RPS6KA2: variants seen among roughly 807,000 people sequenced by gnomAD.
RPS6KA2 encodes ribosomal protein S6 kinase A2.
RPS6KA2 carries 42 observed loss-of-function variants against 91.8 expected under a neutral mutation model. That is an observed-to-expected ratio of 0.46 (90% CI 0.36 to 0.59). The LOEUF (loss-of-function observed/expected upper bound fraction) is 0.59. RPS6KA2 is among the 20% of genes least tolerant of loss of function. The probability of loss-of-function intolerance (pLI) is 0.00; values close to 1 mark genes in which losing one functional copy is unlikely to be tolerated. For missense variants in RPS6KA2, 798 were observed against 978.5 expected, an observed-to-expected ratio of 0.82 and a Z score of 2.46; for synonymous variants, 414 against 393.6, an observed-to-expected ratio of 1.05 and a Z score of -0.61.
At chr6:166,695,863 A>G (rs1236760558) in intron 2 of RPS6KA2, among the ~76,000 whole-genome samples, 1 of 151,682 alleles carries the variant, frequency 6.6e-6, no homozygotes, top group Non-Finnish European at 1.5e-5. Context: ...CTGGATTCTC[A>G]TAGGAGCACT....
chr6:166,701,016 G>C lies in RPS6KA2; in HGVS notation c.123+157184C>G. 3 of 1,102,730 alleles carry C rather than the reference G, an allele frequency of 2.7e-6. No homozygotes were observed. The South Asian group carries it at 3.8e-5, about 14-fold the overall frequency. The allele number at this position is 1,102,730 out of a possible 1,614,324, so 68.3% of individuals were successfully genotyped here. On this transcript the variant is annotated intron_variant, in intron 2 of 21. Transcript: ENST00000503859. ...ACTTGTGCATGTGATTCTGGATAGG[G>C]GGTCAGCGCCTGTCTGTTTGTTAAG...
intron 2 of RPS6KA2, among the ~76,000 whole-genome samples, chr6:166,708,226 CATAAT>C (rs758296265): frequency 1.3e-5 from 2 of 152,116 alleles, no homozygotes; most frequent in Non-Finnish European, 2.9e-5. Context: ...CTGTTGGAAA[CATAAT>C]AGGATTGAGC....
At chr6:166,480,475 GATTTTATATATAT>G (rs1392221649) in intron 10 of RPS6KA2, among the ~76,000 whole-genome samples, 1,275 of 60,994 alleles carry the variant, frequency 0.021, 46 homozygotes, top group Non-Finnish European at 0.029. Flanking sequence ...TTAAGATTGT[GATTTTATATATAT>G]ATATATATAT....
In RPS6KA2 at chr6:166,665,654, A is replaced by C. The variant is rs1788294193; in HGVS notation, c.124-126870T>G. On this transcript the variant is annotated intron_variant, in intron 2 of 21. Coordinates refer to the RPS6KA2 transcript ENST00000503859. The surrounding 1 kb of genome is among the most constrained non-coding windows in gnomAD (Gnocchi z 4.5). ...ACCCTCATTAGAACAAGCACCGGAGACATGAAGTTTGCTACTGAAGGTCTC... is the reference window on the plus strand; with the variant it reads ...ACCCTCATTAGAACAAGCACCGGAGCCATGAAGTTTGCTACTGAAGGTCTC... Among the ~76,000 whole-genome samples the C allele has an allele frequency of 6.6e-6, 1 of 152,196 alleles. No individual in the cohort carries two copies. Among genetic ancestry groups the C allele is most frequent in the African/African-American group, 2.4e-5 (1 of 41,434 alleles).
At chr6:166,824,058 ATGTG>A (rs10678731) in intron 2 of RPS6KA2, among the ~76,000 whole-genome samples, 3 of 151,600 alleles carry the variant, frequency 2.0e-5, no homozygotes, top group African/African-American at 7.3e-5. Flanking sequence ...TTGGTTGTGT[ATGTG>A]TGTGTGTGAT....
intron 2 of RPS6KA2, among the ~76,000 whole-genome samples, chr6:166,857,401 G>A (rs548752961): frequency 1.7e-4 from 26 of 152,272 alleles, no homozygotes; most frequent in Middle Eastern, 6.8e-3. Context: ...GTGTGGCTGC[G>A]TAACTACAAT....
chr6:166,531,962 TG>T (rs1783293484), intron 2 of RPS6KA2, among the ~76,000 whole-genome samples: 2 of 151,822 alleles, frequency 1.3e-5, no homozygotes, highest in South Asian at 2.1e-4. Flanking sequence ...TAAACAAAAC[TG>T]GAGTTCCTTT....
chr6:166,497,641 C>T (rs1487911830), intron 8 of RPS6KA2, among the ~76,000 whole-genome samples: 1 of 152,208 alleles, frequency 6.6e-6, no homozygotes, highest in Admixed American at 6.5e-5. Flanking sequence ...GCCGGGGGTT[C>T]TCCAGGCGAC....
At chr6:166,539,102 T>C (rs1205928405) in intron 1 of RPS6KA2, among the ~76,000 whole-genome samples, 1 of 152,124 alleles carries the variant, frequency 6.6e-6, no homozygotes, top group Non-Finnish European at 1.5e-5. Context: ...GTATTTTTAA[T>C]AGAGACGAGA....
At chr6:166,844,147 G>C in intron 2 of RPS6KA2, among the ~76,000 whole-genome samples, 1 of 151,990 alleles carries the variant, frequency 6.6e-6, no homozygotes, top group Admixed American at 6.5e-5. Context: ...CTCAGCAATA[G>C]ACTCAAACAA....
Position 166,648,443 on chromosome 6 carries a change from C to T in RPS6KA2, c.124-109659G>A, listed in dbSNP as rs1787743063. The stretch of plus-strand genomic sequence containing the variant: ...AACTGCTGCACAATCTGCCTTTGTA[C>T]CTGAGACTGGGCAAGAATTACTTGA... On this transcript the variant is annotated intron_variant, in intron 2 of 21. Coordinates refer to the RPS6KA2 transcript ENST00000503859. This position sits in a 1 kb window ranked among gnomAD's most constrained non-coding sequence, Gnocchi z 4.8. Among the ~76,000 whole-genome samples the T allele has an allele frequency of 6.6e-6, 1 of 152,206 alleles. No individual in the cohort carries two copies. The highest frequency in any genetic ancestry group is 1.5e-5 in the Non-Finnish European group (1 of 68,036).
chr6:166,679,767 C>T (rs117350158), intron 2 of RPS6KA2, among the ~76,000 whole-genome samples: 6,550 of 152,246 alleles, frequency 0.043, 167 homozygotes, highest in Non-Finnish European at 0.061. Context: ...GAGGGAGCGG[C>T]GCGGGCGGGA....
chr6:166,461,856 C>A (rs79136535), intron 11 of RPS6KA2, among the ~76,000 whole-genome samples: 6,366 of 148,652 alleles, frequency 0.043, 457 homozygotes, highest in African/African-American at 0.16. Context: ...CTTGCCCACC[C>A]CTGCCCCTGC....
chr6:166,826,574 C>A (rs1209271724), intron 2 of RPS6KA2, among the ~76,000 whole-genome samples: 1 of 152,176 alleles, frequency 6.6e-6, no homozygotes, highest in East Asian at 1.9e-4. Flanking sequence ...ATCACTGTTA[C>A]AAAAGATTGC....
intron 2 of RPS6KA2, among the ~76,000 whole-genome samples, chr6:166,645,957 C>T (rs927244021): frequency 5.3e-5 from 8 of 152,196 alleles, no homozygotes; most frequent in Non-Finnish European, 1.0e-4. Context: ...GCTGCCAAAG[C>T]GGGCCTGGAG....
intron 2 of RPS6KA2, among the ~76,000 whole-genome samples, chr6:166,840,380 C>T (rs191983116): frequency 8.1e-4 from 124 of 152,324 alleles, no homozygotes; most frequent in Middle Eastern, 3.4e-3. Flanking sequence ...TACCTCCCCA[C>T]GAGTAGAGCT....
intron 3 of RPS6KA2, among the ~76,000 whole-genome samples, chr6:166,527,878 G>C (rs1783123546): frequency 1.3e-5 from 2 of 152,234 alleles, no homozygotes; most frequent in South Asian, 4.1e-4. Flanking sequence ...GTGGGCACCA[G>C]TACTTTATTC....
chr6:166,461,778 G>T (rs868039140), intron 11 of RPS6KA2, among the ~76,000 whole-genome samples: 7 of 152,276 alleles, frequency 4.6e-5, no homozygotes, highest in Middle Eastern at 3.4e-3. Flanking sequence ...CGGAAAGCAG[G>T]GGCCCACATG....
intron 2 of RPS6KA2, among the ~76,000 whole-genome samples, chr6:166,780,849 C>T (rs928179822): frequency 6.6e-6 from 1 of 152,210 alleles, no homozygotes; most frequent in African/African-American, 2.4e-5. Flanking sequence ...CAGATGTGGA[C>T]AAGACCTTTT....
Sources: gnomAD v4.1 joint callset for allele counts (sites outside exome capture counted in the v4.1 genomes callset) on GRCh38, gnomAD v4.1.1 for gene constraint, Gnocchi (gnomAD v3.1) non-coding constraint, MANE v1.5 for transcripts, NCBI Gene and HGNC (gene_info 2026-07-23, HGNC 2026-07-21) for gene names.